TMEM117: variants seen among roughly 807,000 people sequenced by gnomAD.
TMEM117 encodes the protein transmembrane protein 117.
A neutral mutation model predicts 52.4 loss-of-function variants in TMEM117; 27 were observed. The observed-to-expected ratio is 0.51, with a 90% confidence interval of 0.38 to 0.71. The LOEUF (loss-of-function observed/expected upper bound fraction) is 0.71, where lower values mean the gene tolerates loss of function less well. TMEM117 is among the 30% of genes least tolerant of loss of function. The pLI is 0.00. For missense variants in TMEM117, 556 were observed against 630.5 expected, an observed-to-expected ratio of 0.88 and a Z score of 1.26; for synonymous variants, 215 against 206.3, an observed-to-expected ratio of 1.04 and a Z score of -0.36.
At chr12:44,393,190 T>C (rs1215693108), downstream of TMEM117, among the ~76,000 whole-genome samples, 1 of 152,178 alleles carries the variant, frequency 6.6e-6, no homozygotes, top group Non-Finnish European at 1.5e-5. Flanking sequence ...TTTATATATC[T>C]ACCTCCAACA....
chr12:44,068,737 A>G (rs139172224), intron 3 of TMEM117, among the ~76,000 whole-genome samples: 1 of 152,238 alleles, frequency 6.6e-6, no homozygotes, highest in East Asian at 1.9e-4. Context: ...ATATTGTGAC[A>G]GTTACCAAAA....
chr12:44,239,575 A>G (rs957342457), intron 5 of TMEM117, among the ~76,000 whole-genome samples: 3 of 152,128 alleles, frequency 2.0e-5, no homozygotes, highest in Non-Finnish European at 4.4e-5. Flanking sequence ...AAATTTGTTC[A>G]GTATTCAGTT....
intron 5 of TMEM117, among the ~76,000 whole-genome samples, chr12:44,291,438 T>C (rs1292026253): frequency 6.7e-6 from 1 of 150,156 alleles, no homozygotes; most frequent in African/African-American, 2.4e-5. Context: ...GATCATGTTA[T>C]CTGCAATCAG....
chr12:44,113,959 T>C (rs949893839), intron 3 of TMEM117, among the ~76,000 whole-genome samples: 15 of 134,038 alleles, frequency 1.1e-4, no homozygotes, highest in East Asian at 2.1e-4. Flanking sequence ...CGGGTGGGAG[T>C]GACCCGATTT....
At chr12:43,979,125 A>G (rs977698808) in intron 3 of TMEM117, among the ~76,000 whole-genome samples, 4 of 152,000 alleles carry the variant, frequency 2.6e-5, no homozygotes, top group African/African-American at 9.7e-5. Flanking sequence ...AAGCCAATTA[A>G]TATTACCCAG....
chr12:44,194,067 T>C (rs1444104048), intron 4 of TMEM117, among the ~76,000 whole-genome samples: 1 of 151,914 alleles, frequency 6.6e-6, no homozygotes, highest in East Asian at 1.9e-4. Flanking sequence ...AAATTGAAAA[T>C]ATGGGTGAGG....
chr12:43,964,154 A>G (rs1945447912), intron 3 of TMEM117, among the ~76,000 whole-genome samples: 1 of 152,114 alleles, frequency 6.6e-6, no homozygotes, highest in Non-Finnish European at 1.5e-5. Context: ...AGCAGTTGTA[A>G]TGTGGAAGGT....
chr12:44,202,002 C>T (rs755824287), intron 4 of TMEM117, among the ~76,000 whole-genome samples: 1 of 151,420 alleles, frequency 6.6e-6, no homozygotes, highest in African/African-American at 2.4e-5. Flanking sequence ...TTATATATAT[C>T]ATCTTTATAT....
intron 2 of TMEM117, among the ~76,000 whole-genome samples, chr12:43,846,703 G>C (rs1943215170): frequency 6.7e-6 from 1 of 150,092 alleles, no homozygotes; most frequent in Non-Finnish European, 1.5e-5. Flanking sequence ...TGAGTGCTGG[G>C]TCAATTAGGA....
chr12:44,041,428 T>A (rs1434354189), intron 3 of TMEM117, among the ~76,000 whole-genome samples: 2 of 152,078 alleles, frequency 1.3e-5, no homozygotes, highest in Non-Finnish European at 2.9e-5. Flanking sequence ...TGACCACAAT[T>A]AAGCTGCTTG....
chr12:44,080,329 C>T (rs1301864200), intron 3 of TMEM117, among the ~76,000 whole-genome samples: 1 of 152,032 alleles, frequency 6.6e-6, no homozygotes, highest in African/African-American at 2.4e-5. Context: ...GGAGAAGTGC[C>T]AAGCAAGTGG....
chr12:43,875,091 T>A (rs1158847325), intron 2 of TMEM117, among the ~76,000 whole-genome samples: 1 of 152,236 alleles, frequency 6.6e-6, no homozygotes, highest in Non-Finnish European at 1.5e-5. Context: ...GAGCTGCAAG[T>A]AATAGATACA....
chr12:44,221,483 C>CA (rs1949788047), intron 5 of TMEM117, among the ~76,000 whole-genome samples: 1 of 152,048 alleles, frequency 6.6e-6, no homozygotes, highest in Non-Finnish European at 1.5e-5. Context: ...ATCAAATGTG[C>CA]AAAAAGTTAG....
At chr12:43,959,566 T>G (rs1209833078) in intron 3 of TMEM117, among the ~76,000 whole-genome samples, 1 of 152,186 alleles carries the variant, frequency 6.6e-6, no homozygotes, top group Non-Finnish European at 1.5e-5. Context: ...ATTGATTGAG[T>G]AGTAGAAGCC....
intron 6 of TMEM117, among the ~76,000 whole-genome samples, chr12:44,362,995 G>C (rs990872976): frequency 6.6e-6 from 1 of 152,054 alleles, no homozygotes; most frequent in Non-Finnish European, 1.5e-5. Flanking sequence ...TGGAACTACA[G>C]GTGCATGCCA....
chr12:44,135,792 C>A (rs1441657006), intron 3 of TMEM117, among the ~76,000 whole-genome samples: 1 of 152,148 alleles, frequency 6.6e-6, no homozygotes, highest in Non-Finnish European at 1.5e-5. Context: ...TAGTTCCTGG[C>A]AACTGTTAAT....
chr12:44,095,979 G>A (rs1439668032), intron 3 of TMEM117, among the ~76,000 whole-genome samples: 1 of 152,126 alleles, frequency 6.6e-6, no homozygotes, highest in African/African-American at 2.4e-5. Flanking sequence ...CATTGTCTCA[G>A]CCCAAAATCT....
At chr12:43,813,710 A>G in the TMEM117 span, among the ~76,000 whole-genome samples, 1 of 152,062 alleles carries the variant, frequency 6.6e-6, no homozygotes. Context: ...TTCCTTACTC[A>G]GTGACTGTTG....
intron 4 of TMEM117, among the ~76,000 whole-genome samples, chr12:44,150,671 GTC>G (rs1171506991): frequency 1.3e-5 from 2 of 152,230 alleles, no homozygotes; most frequent in East Asian, 1.9e-4. Flanking sequence ...ATATTTTAAT[GTC>G]TCTATAAATA....
Sources: gnomAD v4.1 joint callset for allele counts (sites outside exome capture counted in the v4.1 genomes callset) on GRCh38, gnomAD v4.1.1 for gene constraint, MANE v1.5 for transcripts, NCBI Gene and HGNC (gene_info 2026-07-23, HGNC 2026-07-21) for gene names.